CEP63: variants seen among roughly 807,000 people sequenced by gnomAD.
CEP63 encodes centrosomal protein 63, also known as centrosomal protein of 63 kDa.
In CEP63, 84 loss-of-function variants were observed where a neutral mutation model predicts 89.1. The ratio of observed to expected loss-of-function variants is 0.94; its 90% confidence interval spans 0.79 to 1.13. The LOEUF (loss-of-function observed/expected upper bound fraction) is 1.13, where lower values mean the gene tolerates loss of function less well. Among genes scored for constraint, CEP63 ranks in the 50% most tolerant of loss-of-function variants. CEP63 has a pLI of 0.00. For missense variants in CEP63, 838 were observed against 813.3 expected, an observed-to-expected ratio of 1.03 and a Z score of -0.37; for synonymous variants, 267 against 272.5, an observed-to-expected ratio of 0.98 and a Z score of 0.20.
chr3:134,528,365 C>CT (rs1949097062), intron 3 of CEP63, among the ~76,000 whole-genome samples: 1 of 152,128 alleles, frequency 6.6e-6, no homozygotes, highest in African/African-American at 2.4e-5. Context: ...CTCCCCCGTT[C>CT]TTTGTCTTCA....
chr3:134,580,390 T>C (rs1958317300), intron 10 of CEP63, among the ~76,000 whole-genome samples: 1 of 152,126 alleles, frequency 6.6e-6, no homozygotes, highest in Non-Finnish European at 1.5e-5. Context: ...TCTAAGAATT[T>C]ACAAAAATTA....
the CEP63 span, among the ~76,000 whole-genome samples, chr3:134,621,037 C>T: frequency 0.016 from 2,492 of 152,258 alleles, 21 homozygotes; most frequent in Middle Eastern, 0.027. Flanking sequence ...TTGGACAGGG[C>T]AGGTGGTGCT....
At chr3:134,752,593 C>T in the CEP63 span, among the ~76,000 whole-genome samples, 1 of 152,140 alleles carries the variant, frequency 6.6e-6, no homozygotes, top group African/African-American at 2.4e-5. Context: ...CATTTATCCC[C>T]CTTGCAAATA....
chr3:134,724,522 C>G, the CEP63 span, among the ~76,000 whole-genome samples: 1 of 152,192 alleles, frequency 6.6e-6, no homozygotes, highest in Non-Finnish European at 1.5e-5. Context: ...CATTGGCACC[C>G]AGCTCCAGAA....
the CEP63 span, among the ~76,000 whole-genome samples, chr3:134,777,447 C>T: frequency 6.6e-6 from 1 of 152,154 alleles, no homozygotes; most frequent in Non-Finnish European, 1.5e-5. Context: ...ATACTCACCT[C>T]ATTTTTCAGA....
chr3:134,701,413 C>CGT, the CEP63 span, among the ~76,000 whole-genome samples: 1 of 47,802 alleles, frequency 2.1e-5, no homozygotes, highest in Non-Finnish European at 3.4e-5. Context: ...CATATACACA[C>CGT]ATATATATAC....
the CEP63 span, among the ~76,000 whole-genome samples, chr3:134,648,543 G>A: frequency 6.6e-6 from 1 of 152,342 alleles, no homozygotes; most frequent in East Asian, 1.9e-4. Context: ...TCTGATAGGA[G>A]TTGAGGGCTT....
intron 3 of CEP63, among the ~76,000 whole-genome samples, chr3:134,511,686 G>A (rs1478336476): frequency 6.6e-6 from 1 of 152,128 alleles, no homozygotes; most frequent in Non-Finnish European, 1.5e-5. Flanking sequence ...GAGGAAGCAG[G>A]CACATTTTCA....
rs1363402687 is a variant in CEP63 at position 134,507,212 on chromosome 3, C to T, written c.148C>T (p.Leu50=). ...TGAATGGGAAGGACGTACACATGCT[C>T]TAGAAACTTGCTTGAAAATCCGTGA... ...KSEWEGRTHA[L]ETCLKIREQE... The change falls in exon 3 of 15, where the codon CTA becomes TTA. Residue 50 remains leucine (L), a synonymous_variant. Transcript: ENST00000675561. 1 of 1,613,478 alleles carries T rather than the reference C, an allele frequency of 6.2e-7. No individual in the cohort carries two copies. Among genetic ancestry groups the T allele is most frequent in the African/African-American group, 1.3e-5 (1 of 74,842 alleles).
At chr3:134,568,947 C>T (rs757880602), downstream of CEP63, among the ~76,000 whole-genome samples, 18 of 152,158 alleles carry the variant, frequency 1.2e-4, no homozygotes, top group African/African-American at 2.9e-4. Flanking sequence ...ACAATCATGG[C>T]GGAAGGCAAG....
At chr3:134,610,872 A>G in the CEP63 span, among the ~76,000 whole-genome samples, 3 of 152,222 alleles carry the variant, frequency 2.0e-5, no homozygotes, top group Admixed American at 2.0e-4. Flanking sequence ...GGGTCTCGTG[A>G]CATGGGTGAG....
the CEP63 span, among the ~76,000 whole-genome samples, chr3:134,653,019 G>A: frequency 6.6e-6 from 1 of 152,154 alleles, no homozygotes; most frequent in African/African-American, 2.4e-5. Context: ...AAACTCTGGT[G>A]CCCCCTCCCA....
At chr3:134,643,980 C>G in the CEP63 span, among the ~76,000 whole-genome samples, 2 of 152,298 alleles carry the variant, frequency 1.3e-5, no homozygotes, top group East Asian at 3.9e-4. Context: ...GTGCCCGCCA[C>G]CACACTGGCT....
the CEP63 span, among the ~76,000 whole-genome samples, chr3:134,674,928 T>C: frequency 6.6e-6 from 1 of 152,174 alleles, no homozygotes; most frequent in African/African-American, 2.4e-5. Flanking sequence ...ATGAAAAACA[T>C]TCTATATTCA....
At chr3:134,708,757 T>G in the CEP63 span, among the ~76,000 whole-genome samples, 3 of 151,914 alleles carry the variant, frequency 2.0e-5, no homozygotes, top group African/African-American at 7.3e-5. Context: ...AGTTTAAGAG[T>G]GCTGGACCTT....
chr3:134,677,779 G>T, the CEP63 span, among the ~76,000 whole-genome samples: 2 of 152,048 alleles, frequency 1.3e-5, no homozygotes, highest in Middle Eastern at 3.4e-3. Flanking sequence ...CCACTTGTTT[G>T]GAAGCACCCC....
intron 9 of CEP63, among the ~76,000 whole-genome samples, 195 bp downstream of exon 9, chr3:134,547,667 A>G (rs561248545): frequency 5.5e-5 from 7 of 126,790 alleles, no homozygotes; most frequent in African/African-American, 1.7e-4. Flanking sequence ...CTGGAGTGCA[A>G]TGGCACAATC....
the CEP63 span, chr3:134,608,447 A>G: frequency 2.6e-6 from 4 of 1,519,358 alleles, no homozygotes; most frequent in South Asian, 2.4e-5. Flanking sequence ...GATGTGGCCT[A>G]TGGCCCTTCC....
chr3:134,576,407 G>A (rs894053085), downstream of CEP63, among the ~76,000 whole-genome samples: 1 of 152,188 alleles, frequency 6.6e-6, no homozygotes, highest in Non-Finnish European at 1.5e-5. Context: ...ACAGATGCCA[G>A]CTCCCTTCCT....
Sources: allele counts gnomAD v4.1 joint callset (sites outside exome capture counted in the v4.1 genomes callset), GRCh38; gene constraint gnomAD v4.1.1; transcripts MANE v1.5; gene names NCBI Gene and HGNC (gene_info 2026-07-23, HGNC 2026-07-21).